SNRPD1: variants seen among roughly 807,000 people sequenced by gnomAD.
SNRPD1 encodes small nuclear ribonucleoprotein Sm D1.
In SNRPD1, 1 loss-of-function variant was observed where a neutral mutation model predicts 14.4. The observed-to-expected ratio is 0.07, with a 90% confidence interval of 0.02 to 0.33. The LOEUF is 0.33. SNRPD1 is among the 10% of genes least tolerant of loss of function. The probability of loss-of-function intolerance (pLI) is 1.00; values close to 1 mark genes in which losing one functional copy is unlikely to be tolerated. For synonymous variants in SNRPD1, 42 were observed against 50.3 expected (o/e 0.83, Z 0.70); for missense variants, 52 against 146.4 (o/e 0.36, Z 3.33).
chr18:21,625,576 A>C (rs2039031771), intron 3 of SNRPD1, among the ~76,000 whole-genome samples: 1 of 151,684 alleles, frequency 6.6e-6, no homozygotes, highest in Non-Finnish European at 1.5e-5. Context: ...TCGGCCTTCC[A>C]AAGTGCTGGG....
rs1224039039 is a variant in SNRPD1, at chr18:21,613,421, A to G, written c.14+978A>G. Reference sequence around the variant, plus strand: ...AGTTATTGGGCACCTGTTACATACTAGGCGCTGGTAATAGGATTTTTTAAA... The same window carrying G: ...AGTTATTGGGCACCTGTTACATACTGGGCGCTGGTAATAGGATTTTTTAAA... On this transcript the variant is annotated intron_variant, in intron 1 of 3. Transcript: ENST00000300413. 2.6e-5 allele frequency among the ~76,000 whole-genome samples: 4 copies of G among 152,174 alleles called. 1 individual carries two copies. The highest frequency in any genetic ancestry group is 5.9e-5 in the Non-Finnish European group (4 of 68,032).
chr18:21,619,684 GC>G (rs1195561040), intron 1 of SNRPD1, among the ~76,000 whole-genome samples: 1 of 151,612 alleles, frequency 6.6e-6, no homozygotes, highest in Non-Finnish European at 1.5e-5. Context: ...GGAGGCTGAG[GC>G]AGGAGAATTG....
rs575982076 is a variant in SNRPD1, at chr18:21,632,039, G to A, written c.*2901G>A. On this transcript the variant is annotated 3_prime_UTR_variant, in exon 4 of 4. Coordinates refer to ENST00000300413, the MANE Select transcript of SNRPD1 (RefSeq NM_006938.4). ...TGCTACTGGGGAGGCTAAGGCAAGAGGATCGCTATAGCCTGGGAATTTGAA... is the reference window on the plus strand; with the variant it reads ...TGCTACTGGGGAGGCTAAGGCAAGAAGATCGCTATAGCCTGGGAATTTGAA... 1 of 152,286 alleles carries A rather than the reference G, an allele frequency of 6.6e-6. No homozygotes were observed. Among genetic ancestry groups the A allele is most frequent in the East Asian group, 1.9e-4 (1 of 5,178 alleles). 9.4% of individuals were successfully genotyped at this position (152,286 alleles called of 1,614,324 possible).
Position 21,629,928 on chromosome 18 carries a change from A to G in SNRPD1, c.*790A>G, listed in dbSNP as rs575433700. ...CTAAAGTCCTTATGGGATGGGGTCT[A>G]GAATTGATTCTCCTTTCCTGAGTTT... On this transcript the variant is annotated 3_prime_UTR_variant, in exon 4 of 4. Transcript: ENST00000300413. 4 of 152,322 alleles carry G rather than the reference A, an allele frequency of 2.6e-5. No homozygotes were observed. The South Asian group carries it at 8.3e-4, about 32-fold the overall frequency. 9.4% of individuals were successfully genotyped at this position (152,322 alleles called of 1,614,324 possible).
At chr18:21,623,677 T>C in intron 2 of SNRPD1, 71 bp from the exon 3 acceptor site, 1 of 1,076,550 alleles carries the variant, frequency 9.3e-7, no homozygotes, top group Non-Finnish European at 1.4e-6. Context: ...GTATTTACTG[T>C]GGCTCAGTAG....
Position 21,633,481 on chromosome 18 carries a change from G to A in SNRPD1, c.*4343G>A, listed in dbSNP as rs1370055260. 1 of 151,974 alleles carries A rather than the reference G, an allele frequency of 6.6e-6. No individual in the cohort carries two copies. The highest frequency in any genetic ancestry group is 1.5e-5 in the Non-Finnish European group (1 of 68,002). The allele number at this position is 151,974 out of a possible 1,614,324, so 9.4% of individuals were successfully genotyped here. The stretch of plus-strand genomic sequence containing the variant: ...ATCTGATACTGGCCTTTATTAATGT[G>A]AAATTCTTGTGGATCTGTGAAATAA... On this transcript the variant is annotated 3_prime_UTR_variant, in exon 4 of 4. Coordinates refer to ENST00000300413, the MANE Select transcript of SNRPD1 (RefSeq NM_006938.4).
intron 3 of SNRPD1, among the ~76,000 whole-genome samples, chr18:21,624,611 A>G (rs1254037481): frequency 6.6e-6 from 1 of 151,528 alleles, no homozygotes; most frequent in Non-Finnish European, 1.5e-5. Flanking sequence ...GAATCACTTG[A>G]ACCTGGGAGG....
chr18:21,632,991 C>G lies in SNRPD1; in HGVS notation c.*3853C>G. The G allele has an allele frequency of 6.6e-6, 1 of 152,226 alleles. No homozygotes were observed. Among genetic ancestry groups the G allele is most frequent in the Non-Finnish European group, 1.5e-5 (1 of 68,140 alleles). 9.4% of individuals were successfully genotyped at this position (152,226 alleles called of 1,614,324 possible). The stretch of plus-strand genomic sequence containing the variant: ...TCAGCCTCCTGAGTAGCTGAGACTA[C>G]AGGTGCCCACCACTATGCCCGGCTA... On this transcript the variant is annotated 3_prime_UTR_variant, in exon 4 of 4. Transcript: ENST00000300413.
At chr18:21,614,319 C>T (rs1008412744) in intron 1 of SNRPD1, among the ~76,000 whole-genome samples, 1 of 152,176 alleles carries the variant, frequency 6.6e-6, no homozygotes. Context: ...CAATCTGAAT[C>T]TTAATCCACT....
chr18:21,616,081 G>T (rs887903020), intron 1 of SNRPD1, among the ~76,000 whole-genome samples: 16 of 152,260 alleles, frequency 1.1e-4, no homozygotes, highest in African/African-American at 3.9e-4. Flanking sequence ...CGCCTCCTGG[G>T]TTCACGCCAT....
chr18:21,613,974 T>C (rs553117507), intron 1 of SNRPD1, among the ~76,000 whole-genome samples: 16 of 152,064 alleles, frequency 1.1e-4, no homozygotes, highest in Admixed American at 8.5e-4. Context: ...GTCATAGAAT[T>C]TAAAGTGCAT....
At position 21,632,033 on chromosome 18, in the gene SNRPD1, G is replaced by A. The variant is rs1281795930; in HGVS notation, c.*2895G>A. The A allele has an allele frequency of 6.6e-6, 1 of 152,190 alleles. No individual in the cohort carries two copies. Among genetic ancestry groups the A allele is most frequent in the Non-Finnish European group, 1.5e-5 (1 of 68,046 alleles). 9.4% of individuals were successfully genotyped at this position (152,190 alleles called of 1,614,324 possible). A position where few individuals can be genotyped will look rare whatever the true frequency, so the allele number is the denominator to read the frequency against. Reference sequence around the variant, plus strand: ...AGTCCCTGCTACTGGGGAGGCTAAGGCAAGAGGATCGCTATAGCCTGGGAA... The same window carrying A: ...AGTCCCTGCTACTGGGGAGGCTAAGACAAGAGGATCGCTATAGCCTGGGAA... On this transcript the variant is annotated 3_prime_UTR_variant, in exon 4 of 4. Coordinates refer to ENST00000300413, the MANE Select transcript of SNRPD1 (RefSeq NM_006938.4).
At chr18:21,626,291 G>A (rs1181645046) in intron 3 of SNRPD1, among the ~76,000 whole-genome samples, 3 of 151,626 alleles carry the variant, frequency 2.0e-5, no homozygotes, top group African/African-American at 7.3e-5. Flanking sequence ...CTACTCGGGT[G>A]GCTGAGGCAG....
At chr18:21,617,742 C>A (rs904544248) in intron 1 of SNRPD1, among the ~76,000 whole-genome samples, 7 of 152,152 alleles carry the variant, frequency 4.6e-5, no homozygotes, top group Non-Finnish European at 7.3e-5. Flanking sequence ...GTGGTTCATG[C>A]TTGTCATCGT....
At chr18:21,623,456 T>TA (rs1371853531) in intron 2 of SNRPD1, among the ~76,000 whole-genome samples, 3 of 152,166 alleles carry the variant, frequency 2.0e-5, no homozygotes, top group African/African-American at 7.2e-5. Context: ...ATGAAAGAAA[T>TA]ACCTGTCACA....
intron 3 of SNRPD1, among the ~76,000 whole-genome samples, chr18:21,625,249 G>C (rs1486960926): frequency 6.7e-6 from 1 of 148,744 alleles, no homozygotes; most frequent in Non-Finnish European, 1.5e-5. Flanking sequence ...TTTTTCAGAA[G>C]TTATTCTTCC....
intron 1 of SNRPD1, among the ~76,000 whole-genome samples, chr18:21,612,855 TC>T (rs1202148697): frequency 6.6e-6 from 1 of 152,204 alleles, no homozygotes; most frequent in Non-Finnish European, 1.5e-5. Flanking sequence ...GAGAAGGACT[TC>T]CGGCTTCACA....
rs1462409410 is a variant in SNRPD1, at chr18:21,632,787, C to G, written c.*3649C>G. 1 of 153,200 alleles carries G rather than the reference C, an allele frequency of 6.5e-6. No individual in the cohort carries two copies. The highest frequency in any genetic ancestry group is 1.5e-5 in the Non-Finnish European group (1 of 68,954). The allele number at this position is 153,200 out of a possible 1,614,324, so 9.5% of individuals were successfully genotyped here. The stretch of plus-strand genomic sequence containing the variant: ...TAGGACTGCAGCATTTTGTACACAT[C>G]TGATATTTAATGAGATGTTACATAT... On this transcript the variant is annotated 3_prime_UTR_variant, in exon 4 of 4. Coordinates refer to ENST00000300413, the MANE Select transcript of SNRPD1 (RefSeq NM_006938.4).
chr18:21,626,213 C>T (rs1414633068), intron 3 of SNRPD1, among the ~76,000 whole-genome samples: 3 of 151,416 alleles, frequency 2.0e-5, no homozygotes, highest in African/African-American at 7.3e-5. Flanking sequence ...GGCAACATGG[C>T]ATGAACTTTG....
Sources: allele counts gnomAD v4.1 joint callset (sites outside exome capture counted in the v4.1 genomes callset), GRCh38; gene constraint gnomAD v4.1.1; transcripts MANE v1.5; gene names NCBI Gene and HGNC (gene_info 2026-07-23, HGNC 2026-07-21).